RPS6KA5: variants seen among roughly 807,000 people sequenced by gnomAD.
RPS6KA5 encodes the protein ribosomal protein S6 kinase A5, also known as ribosomal protein S6 kinase alpha-5.
A neutral mutation model predicts 85.5 loss-of-function variants in RPS6KA5; 27 were observed. The observed-to-expected ratio is 0.32, with a 90% CI of 0.23 to 0.44. The LOEUF is 0.44. Ranked by LOEUF, RPS6KA5 falls within the 20% of genes least tolerant of loss-of-function variation. The probability of loss-of-function intolerance (pLI) is 1.00; values close to 1 mark genes in which losing one functional copy is unlikely to be tolerated. For synonymous variants in RPS6KA5, 334 were observed against 348.2 expected, an observed-to-expected ratio of 0.96 and a Z score of 0.46; for missense variants, 811 against 980.9, an observed-to-expected ratio of 0.83 and a Z score of 2.31.
At chr14:90,945,485 A>G (rs908870336) in intron 4 of RPS6KA5, among the ~76,000 whole-genome samples, 1 of 152,230 alleles carries the variant, frequency 6.6e-6, no homozygotes, top group African/African-American at 2.4e-5. Flanking sequence ...TTGCAAGTAA[A>G]CATCCATTTT....
intron 5 of RPS6KA5, among the ~76,000 whole-genome samples, chr14:90,930,966 G>A (rs2036942108): frequency 6.6e-6 from 1 of 152,136 alleles, no homozygotes; most frequent in African/African-American, 2.4e-5. Context: ...CAGCTGCTAT[G>A]GAAAATAGTA....
chr14:90,951,581 C>T (rs1327192231), intron 3 of RPS6KA5, among the ~76,000 whole-genome samples: 3 of 152,178 alleles, frequency 2.0e-5, no homozygotes, highest in African/African-American at 7.2e-5. Flanking sequence ...AACTTACATG[C>T]AGTAGTATTA....
At chr14:90,964,512 T>C (rs1190586871) in intron 3 of RPS6KA5, among the ~76,000 whole-genome samples, 5 of 152,216 alleles carry the variant, frequency 3.3e-5, no homozygotes, top group Non-Finnish European at 7.3e-5. Flanking sequence ...CAGACAACCT[T>C]AGTTTGTACT....
At chr14:90,976,202 GAA>G (rs5810526) in intron 3 of RPS6KA5, among the ~76,000 whole-genome samples, 24,189 of 109,030 alleles carry the variant, frequency 0.22, 2,115 homozygotes, top group East Asian at 0.33. Context: ...TAAGAGAACA[GAA>G]AAAAAAAAAA....
intron 3 of RPS6KA5, among the ~76,000 whole-genome samples, chr14:90,954,227 T>A (rs1359603302): frequency 6.6e-6 from 1 of 152,236 alleles, no homozygotes; most frequent in Non-Finnish European, 1.5e-5. Flanking sequence ...ATTCTTGTGA[T>A]GTTTTTATCT....
At chr14:90,894,193 A>G in intron 13 of RPS6KA5, 1 of 1,186,086 alleles carries the variant, frequency 8.4e-7, no homozygotes, top group Non-Finnish European at 1.0e-6. Flanking sequence ...TACAAATATA[A>G]CCTCAAGATG....
chr14:90,875,028 T>C (rs1443382765), intron 15 of RPS6KA5, among the ~76,000 whole-genome samples, 173 bp downstream of exon 15: 1 of 152,190 alleles, frequency 6.6e-6, no homozygotes, highest in Non-Finnish European at 1.5e-5. Flanking sequence ...TGGATACCAT[T>C]ACTAAAGAGA....
intron 3 of RPS6KA5, among the ~76,000 whole-genome samples, chr14:90,969,384 T>C (rs1423324157): frequency 6.6e-6 from 1 of 152,212 alleles, no homozygotes; most frequent in Non-Finnish European, 1.5e-5. Context: ...AATCTCTCCA[T>C]TGTTCTGCAG....
chr14:90,927,638 A>G (rs1482685857), intron 5 of RPS6KA5, among the ~76,000 whole-genome samples: 3 of 152,128 alleles, frequency 2.0e-5, no homozygotes, highest in Non-Finnish European at 2.9e-5. Context: ...GGAACATTTC[A>G]CTAGGGAAAT....
intron 1 of RPS6KA5, among the ~76,000 whole-genome samples, chr14:91,021,414 G>A (rs1372187082): frequency 6.6e-6 from 1 of 152,084 alleles, no homozygotes; most frequent in African/African-American, 2.4e-5. Flanking sequence ...GCTGAAGCAG[G>A]AGGATTGCTT....
Position 90,900,128 on chromosome 14 carries a change from T to C in RPS6KA5, c.1359A>G (p.Ala453=). ...CVHKKSNQAF[A]VKIISKRMEA... is the part of the protein sequence containing the mutation. ...CATACCTTTTGCTGATTATTTTGAC[T>C]GCAAAAGCTTGGTTACTTTTTTTAT... The change falls in exon 11 of 17, where the codon GCA becomes GCG. Residue 453 remains alanine, a synonymous_variant. Transcript: ENST00000614987. 2 of 1,601,406 alleles carry C rather than the reference T, an allele frequency of 1.2e-6. No homozygotes were observed. Among genetic ancestry groups the C allele is most frequent in the South Asian group, 2.3e-5 (2 of 88,068 alleles).
At chr14:91,051,854 A>C (rs980943675) in intron 1 of RPS6KA5, among the ~76,000 whole-genome samples, 33 of 151,990 alleles carry the variant, frequency 2.2e-4, no homozygotes, top group African/African-American at 7.0e-4. Flanking sequence ...AACTTTGTCA[A>C]CCTGAGAAAG....
intron 1 of RPS6KA5, among the ~76,000 whole-genome samples, chr14:91,055,279 G>A (rs2043266376): frequency 6.6e-6 from 1 of 152,176 alleles, no homozygotes; most frequent in Non-Finnish European, 1.5e-5. Flanking sequence ...TTTTACTGCT[G>A]TTACATACCC....
chr14:90,848,086 T>C lies in RPS6KA5; in HGVS notation c.*23988A>G, dbSNP rs572653880. 5 of 152,110 alleles carry C rather than the reference T, an allele frequency of 3.3e-5. No homozygotes were observed. The East Asian group carries it at 5.8e-4, about 18-fold the overall frequency. 9.4% of individuals were successfully genotyped at this position (152,110 alleles called of 1,614,324 possible). ...AACACAGCTCAACAACTCATTCCGA[T>C]CTACCCAAACAAAGAGAAAACTAAC... On this transcript the variant is annotated 3_prime_UTR_variant, in exon 17 of 17. Transcript: ENST00000614987.
chr14:90,948,313 T>C lies in RPS6KA5; in HGVS notation c.395-763A>G, dbSNP rs139828092. On this transcript the variant is annotated intron_variant, in intron 3 of 16. Coordinates refer to ENST00000614987, the MANE Select transcript of RPS6KA5 (RefSeq NM_004755.4). The stretch of plus-strand genomic sequence containing the variant: ...CATTCATTATTTTAGGTAACAACTA[T>C]ACAAATTAATGTTAGAAACTGCTCA... 3.3e-3 allele frequency among the ~76,000 whole-genome samples: 505 copies of C among 152,322 alleles called. 1 individual carries two copies. Among genetic ancestry groups the C allele is most frequent in the African/African-American group, 0.011 (471 of 41,568 alleles).
intron 7 of RPS6KA5, among the ~76,000 whole-genome samples, chr14:90,917,328 G>C (rs949778984): frequency 6.9e-6 from 1 of 145,844 alleles, no homozygotes; most frequent in Non-Finnish European, 1.6e-5. Flanking sequence ...GCCTGTCCTG[G>C]AAAAGGTACA....
At chr14:91,000,998 T>G (rs1275282119) in intron 2 of RPS6KA5, 90 bp downstream of exon 2, 1 of 715,560 alleles carries the variant, frequency 1.4e-6, no homozygotes, top group African/African-American at 1.8e-5. Context: ...CTTTTTAAAT[T>G]TTAATTTCTG....
chr14:90,919,983 A>G (rs1357112637), intron 7 of RPS6KA5, among the ~76,000 whole-genome samples: 1 of 152,206 alleles, frequency 6.6e-6, no homozygotes, highest in African/African-American at 2.4e-5. Context: ...GACACTATAG[A>G]TCATAAGTTA....
At chr14:90,949,551 AAACAGGG>A (rs2038060072) in intron 3 of RPS6KA5, among the ~76,000 whole-genome samples, 8 of 152,242 alleles carry the variant, frequency 5.3e-5, no homozygotes, top group Admixed American at 5.2e-4. Flanking sequence ...AATATATTAT[AAACAGGG>A]TCTCTGAACA....
Sources: allele counts gnomAD v4.1 joint callset (sites outside exome capture counted in the v4.1 genomes callset), GRCh38; gene constraint gnomAD v4.1.1; transcripts MANE v1.5; gene names NCBI Gene and HGNC (gene_info 2026-07-23, HGNC 2026-07-21).